Variants in MALRD1 observed in about 807,000 individuals in gnomAD.
The protein encoded by MALRD1 is MAM and LDL receptor class A domain containing 1, also known as MAM and LDL-receptor class A domain-containing protein 1.
A neutral mutation model predicts 242.1 loss-of-function variants in MALRD1; 247 were observed. The ratio of observed to expected loss-of-function variants is 1.02; its 90% CI spans 0.92 to 1.13. The LOEUF (loss-of-function observed/expected upper bound fraction) is 1.13. Among genes scored for constraint, MALRD1 ranks in the 50% most tolerant of loss-of-function variants. The pLI is 0.00. For missense variants in MALRD1, 2,989 were observed against 2,533.1 expected (o/e 1.18, Z -3.86); for synonymous variants, 995 against 866.6 (o/e 1.15, Z -2.60).
At chr10:19,493,726 T>C (rs966498498) in intron 30 of MALRD1, among the ~76,000 whole-genome samples, 6 of 151,772 alleles carry the variant, frequency 4.0e-5, no homozygotes, top group Non-Finnish European at 2.9e-5. Flanking sequence ...AGGCAGAGAA[T>C]TGCTTGAACC....
At chr10:19,088,580 T>TTA (rs1564383670) in intron 4 of MALRD1, among the ~76,000 whole-genome samples, 16 of 109,650 alleles carry the variant, frequency 1.5e-4, no homozygotes, top group African/African-American at 1.9e-4. Flanking sequence ...TTTATTTATT[T>TTA]ATTTATTTAT....
chr10:19,401,899 G>T (rs1183933178), intron 28 of MALRD1, among the ~76,000 whole-genome samples: 2 of 152,102 alleles, frequency 1.3e-5, no homozygotes, highest in African/African-American at 4.8e-5. Context: ...ATGTAATTTT[G>T]AAGAACTCTA....
chr10:19,162,565 A>G (rs1413291008), intron 12 of MALRD1, among the ~76,000 whole-genome samples: 1 of 152,172 alleles, frequency 6.6e-6, no homozygotes, highest in African/African-American at 2.4e-5. Context: ...GCTTGTATCA[A>G]TAACTTAAAA....
intron 36 of MALRD1, among the ~76,000 whole-genome samples, chr10:19,621,178 C>A (rs1176645984): frequency 6.6e-6 from 1 of 151,272 alleles, no homozygotes; most frequent in African/African-American, 2.4e-5. Flanking sequence ...TTCCCCTCCC[C>A]ACCCAAAAAA....
At chr10:19,392,522 A>G (rs1846383480) in intron 28 of MALRD1, among the ~76,000 whole-genome samples, 1 of 152,242 alleles carries the variant, frequency 6.6e-6, no homozygotes. Context: ...AAGTAAATTC[A>G]GAGAAACCTC....
rs375173571 is a variant in MALRD1, at chr10:19,597,961, T to C, written c.5944+2504T>C. Among the ~76,000 whole-genome samples, 8 of 152,256 alleles carry C rather than the reference T, an allele frequency of 5.3e-5. No homozygotes were observed. In the East Asian group the frequency reaches 1.5e-3, roughly 29 times the overall value. On this transcript the variant is annotated intron_variant, in intron 34 of 39. Transcript: ENST00000454679. ...GGTCGTTAGAGTGAAGCATATTTTG[T>C]GTTGCTAGAGCAGAGCCTGTGGTTG...
intron 1 of MALRD1, among the ~76,000 whole-genome samples, chr10:19,064,749 G>A (rs1314867401): frequency 7.5e-5 from 10 of 133,178 alleles, no homozygotes; most frequent in African/African-American, 2.8e-4. Flanking sequence ...CAGCCTGGGC[G>A]ACAGAAAGAA....
intron 13 of MALRD1, among the ~76,000 whole-genome samples, chr10:19,174,788 A>G (rs1835158970): frequency 6.6e-6 from 1 of 152,056 alleles, no homozygotes; most frequent in Non-Finnish European, 1.5e-5. Context: ...GTATGAATGT[A>G]TATAATATTT....
chr10:19,355,667 G>C (rs1055045089), intron 26 of MALRD1, among the ~76,000 whole-genome samples: 1 of 150,734 alleles, frequency 6.6e-6, no homozygotes, highest in Non-Finnish European at 1.5e-5. Flanking sequence ...TAAGCTACTT[G>C]ATGTACCTTT....
intron 14 of MALRD1, among the ~76,000 whole-genome samples, chr10:19,181,614 G>A (rs982364345): frequency 3.3e-5 from 5 of 152,114 alleles, no homozygotes; most frequent in African/African-American, 1.2e-4. Context: ...GGAGAAATGT[G>A]TCTAGAGATG....
At chr10:19,339,967 C>T (rs966824368) in intron 24 of MALRD1, among the ~76,000 whole-genome samples, 1 of 152,124 alleles carries the variant, frequency 6.6e-6, no homozygotes, top group South Asian at 2.1e-4. Context: ...AGAGAGAGAA[C>T]GAAGGAGTGA....
At chr10:19,231,851 C>G (rs535619726) in intron 18 of MALRD1, among the ~76,000 whole-genome samples, 1 of 150,662 alleles carries the variant, frequency 6.6e-6, no homozygotes, top group East Asian at 2.0e-4. Context: ...TGTTTTTTTT[C>G]TAGCCTATAT....
chr10:19,169,916 T>C (rs1834851189), intron 13 of MALRD1, among the ~76,000 whole-genome samples: 1 of 152,196 alleles, frequency 6.6e-6, no homozygotes, highest in Admixed American at 6.5e-5. Flanking sequence ...TGTAATCCAG[T>C]CCAAATATTG....
intron 26 of MALRD1, among the ~76,000 whole-genome samples, chr10:19,359,448 T>A (rs1289023334): frequency 6.6e-6 from 1 of 152,082 alleles, no homozygotes; most frequent in African/African-American, 2.4e-5. Context: ...GTTTTGAAGA[T>A]TTTGTGGAGT....
chr10:19,700,515 A>T (rs1190304315), intron 38 of MALRD1, among the ~76,000 whole-genome samples: 1 of 152,192 alleles, frequency 6.6e-6, no homozygotes, highest in African/African-American at 2.4e-5. Flanking sequence ...AAAGAAATGA[A>T]TAATTGCAAA....
At chr10:19,273,018 A>C (rs1030614444) in intron 19 of MALRD1, among the ~76,000 whole-genome samples, 1 of 152,148 alleles carries the variant, frequency 6.6e-6, no homozygotes, top group Non-Finnish European at 1.5e-5. Flanking sequence ...TTATAGTAGA[A>C]TAATTTATAA....
intron 26 of MALRD1, among the ~76,000 whole-genome samples, chr10:19,365,079 A>G (rs1297351938): frequency 6.6e-6 from 1 of 152,178 alleles, no homozygotes; most frequent in African/African-American, 2.4e-5. Flanking sequence ...AATTGTTTAT[A>G]TAAAATTTTG....
At position 19,350,837 on chromosome 10, in the gene MALRD1, G is replaced by C. The variant is rs141588374; in HGVS notation, c.4150-1169G>C. Among the ~76,000 whole-genome samples the C allele has an allele frequency of 2.9e-3, 447 of 152,262 alleles. 3 individuals are homozygous for C. Among genetic ancestry groups the C allele is most frequent in the African/African-American group, 0.01 (416 of 41,558 alleles). Reference sequence around the variant, plus strand: ...GGGGTCCTTGCAGAAGTGTGCCACAGAGGTGGTCCTGGGATGCTGTCTGAG... The same window carrying C: ...GGGGTCCTTGCAGAAGTGTGCCACACAGGTGGTCCTGGGATGCTGTCTGAG... On this transcript the variant is annotated intron_variant, in intron 25 of 39. Coordinates refer to ENST00000454679, the MANE Select transcript of MALRD1 (RefSeq NM_001142308.3).
At chr10:19,151,944 T>C (rs1054995190) in intron 11 of MALRD1, among the ~76,000 whole-genome samples, 4 of 152,326 alleles carry the variant, frequency 2.6e-5, no homozygotes, top group Admixed American at 1.3e-4. Context: ...GTGAAAGTTA[T>C]AGAGACTGGC....
Sources: gnomAD v4.1 joint callset for allele counts (sites outside exome capture counted in the v4.1 genomes callset) on GRCh38, gnomAD v4.1.1 for gene constraint, MANE v1.5 for transcripts, NCBI Gene and HGNC (gene_info 2026-07-23, HGNC 2026-07-21) for gene names.